PLEKHG5: variants seen among roughly 807,000 people sequenced by gnomAD.
The protein encoded by PLEKHG5 is pleckstrin homology and RhoGEF domain containing G5, also known as pleckstrin homology domain-containing family G member 5.
PLEKHG5 carries 52 observed loss-of-function variants against 103.8 expected under a neutral mutation model. The observed-to-expected ratio is 0.50, with a 90% CI of 0.40 to 0.63. PLEKHG5 has a LOEUF of 0.63. Among genes scored for constraint, PLEKHG5 ranks in the 30% least tolerant of loss-of-function variants. The pLI, the probability that PLEKHG5 is intolerant of heterozygous loss-of-function variation, is 0.00. For synonymous variants in PLEKHG5, 592 were observed against 575.5 expected (o/e 1.03, Z -0.41); for missense variants, 1,205 against 1,347.6 (o/e 0.89, Z 1.66).
In PLEKHG5 at chr1:6,471,657, CGGTTGGCCACGCCCCTCCGCCA is replaced by C. The variant is rs1644593551; in HGVS notation, c.1132-42_1132-21del. The C allele has an allele frequency of 2.6e-6, 4 of 1,567,664 alleles. No homozygotes were observed. Among genetic ancestry groups the C allele is most frequent in the Non-Finnish European group, 3.5e-6 (4 of 1,158,392 alleles). ...CTCCACCTGGGCGCGGCGGGAGGTG[CGGTTGGCCACGCCCCTCCGCCA>C]GGTTAGCCCCGCCCCAGGTCCAGGT... On this transcript the variant is annotated intron_variant, in intron 11 of 20. Transcript: ENST00000377728.
chr1:6,476,161 C>T (rs1363421629), intron 2 of PLEKHG5, 125 bp from the exon 3 acceptor site: 13 of 799,204 alleles, frequency 1.6e-5, no homozygotes, highest in Admixed American at 1.4e-4. Context: ...AAGGGCCCTT[C>T]AGTTCTGTGA....
intron 1 of PLEKHG5, chr1:6,485,800 A>C (rs1569941312): frequency 1.3e-5 from 10 of 760,458 alleles, no homozygotes; most frequent in East Asian, 1.4e-4. Context: ...CGGGACCCCC[A>C]CCTTCCCACC....
At chr1:6,503,598 C>T (rs527902127) in intron 1 of PLEKHG5, among the ~76,000 whole-genome samples, 12 of 152,092 alleles carry the variant, frequency 7.9e-5, no homozygotes, top group Non-Finnish European at 1.8e-4. Context: ...TTAGTAGACA[C>T]ATGGTTTCAC....
At chr1:6,504,447 C>A (rs1204131630) in intron 1 of PLEKHG5, among the ~76,000 whole-genome samples, 1 of 152,234 alleles carries the variant, frequency 6.6e-6, no homozygotes, top group Non-Finnish European at 1.5e-5. Flanking sequence ...CCTCTCCTGA[C>A]AAGCAGCCAC....
rs1317814339 is a variant in PLEKHG5 at position 6,471,112 on chromosome 1, C to A, written c.1282-12G>T. ...AAGAGCGAGCCGAACTGGCCCGGGGCAGAACAACCACGGCGCCGGTTACCG... is the reference window on the plus strand; with the variant it reads ...AAGAGCGAGCCGAACTGGCCCGGGGAAGAACAACCACGGCGCCGGTTACCG... On this transcript the variant is annotated splice_polypyrimidine_tract_variant and intron_variant, in intron 12 of 20. Transcript: ENST00000377728. The A allele has an allele frequency of 6.4e-7, 1 of 1,565,544 alleles. No homozygotes were observed. The highest frequency in any genetic ancestry group is 8.7e-7 in the Non-Finnish European group (1 of 1,155,212).
Position 6,491,234 on chromosome 1 carries a change from G to A in PLEKHG5, c.-88+403C>T, listed in dbSNP as rs1402083024. 3.3e-5 allele frequency among the ~76,000 whole-genome samples: 5 copies of A among 152,080 alleles called. No individual in the cohort carries two copies. The highest frequency in any genetic ancestry group is 1.9e-4 in the East Asian group (1 of 5,184). On this transcript the variant is annotated intron_variant, in intron 1 of 20. Coordinates refer to ENST00000377728, the MANE Select transcript of PLEKHG5 (RefSeq NM_020631.6). This position sits in a 1 kb window ranked among gnomAD's most constrained non-coding sequence, Gnocchi z 4.1. ...ACTGGGAAGGGTGTGGATACAGGGG[G>A]CCCACTCGAGGAGGTGGAGTTCAGG...
chr1:6,475,993 C>T lies in PLEKHG5; in HGVS notation c.87G>A (p.Pro29=), dbSNP rs140892576. Residue 29 remains proline, a synonymous_variant, in exon 3 of 21, where the codon CCG becomes CCA. Transcript: ENST00000377728. ...ARNVSTRSCP[P]RTSPAVDLEE... Reference sequence around the variant, plus strand: ...CCAAGTCCACTGCGGGGCTGGTGCGCGGCGGGCATGACCGGGTGGACACGT... The same window carrying T: ...CCAAGTCCACTGCGGGGCTGGTGCGTGGCGGGCATGACCGGGTGGACACGT... 496 of 1,613,812 alleles carry T rather than the reference C, an allele frequency of 3.1e-4. 2 individuals carry two copies. The African/African-American group carries it at 4.3e-3, about 14-fold the overall frequency.
At chr1:6,471,396 G>C (rs1644580893) in intron 12 of PLEKHG5, 92 bp downstream of exon 12, 1 of 1,401,110 alleles carries the variant, frequency 7.1e-7, no homozygotes, top group South Asian at 1.4e-5. Context: ...GGGGAGGTTG[G>C]GGATGCTGGG....
At chr1:6,492,736 G>A (rs563333773), upstream of PLEKHG5, among the ~76,000 whole-genome samples, 70 of 152,204 alleles carry the variant, frequency 4.6e-4, no homozygotes, top group African/African-American at 1.6e-3. Context: ...CCCCAGGGTC[G>A]CACAGCTGGA....
chr1:6,514,213 G>A (rs7517855), intron 1 of PLEKHG5, among the ~76,000 whole-genome samples: 29,445 of 151,932 alleles, frequency 0.19, 4,004 homozygotes, highest in African/African-American at 0.39. Context: ...GGTCCCAGCT[G>A]CTCAGGAGGC....
chr1:6,494,969 G>C (rs1645201337), upstream of PLEKHG5, among the ~76,000 whole-genome samples: 1 of 152,204 alleles, frequency 6.6e-6, no homozygotes, highest in South Asian at 2.1e-4. Context: ...TCTGAGACCA[G>C]CTCTCTTCTC....
At position 6,475,530 on chromosome 1, in the gene PLEKHG5, G is replaced by T. The variant is rs1000272403; in HGVS notation, c.150-8C>A. 2 of 1,612,766 alleles carry T rather than the reference G, an allele frequency of 1.2e-6. No individual in the cohort carries two copies. ...CCTGTGCTCTTCCGGTCCCTGCAGG[G>T]AAGCGAGGAGGGCAGAGGCTGGAGG... On this transcript the variant is annotated splice_polypyrimidine_tract_variant and splice_region_variant and intron_variant, in intron 3 of 20. Coordinates refer to ENST00000377728, the MANE Select transcript of PLEKHG5 (RefSeq NM_020631.6).
At chr1:6,495,676 C>T (rs965400669), upstream of PLEKHG5, among the ~76,000 whole-genome samples, 5 of 152,198 alleles carry the variant, frequency 3.3e-5, no homozygotes, top group South Asian at 2.1e-4. Flanking sequence ...TGCTAAGTTG[C>T]GCAGTTGTCA....
chr1:6,471,513 C>A lies in PLEKHG5; in HGVS notation c.1256G>T (p.Gly419Val). The change falls in exon 12 of 21, where the codon GGG (glycine) becomes GTG (valine). Residue 419 changes from glycine (G) to valine (V), a missense_variant. Gly to Val is a moderately radical substitution (Grantham distance 109). Coordinates refer to ENST00000377728, the MANE Select transcript of PLEKHG5 (RefSeq NM_020631.6). ...ARRTRALLQP[G>V]DFLKGFKMFG... Reference sequence around the variant, plus strand: ...CATCTTGAAGCCTTTGAGGAAGTCCCCGGGCTGTAGCAGCGCTCGCGTGCG... The same window carrying A: ...CATCTTGAAGCCTTTGAGGAAGTCCACGGGCTGTAGCAGCGCTCGCGTGCG... 1 of 1,610,704 alleles carries A rather than the reference C, an allele frequency of 6.2e-7. No individual in the cohort carries two copies.
rs1645043846 is a variant in PLEKHG5 at position 6,486,623 on chromosome 1, C to A, written c.-88+5014G>T. ...CACAGCAGCCCAGGTCCCTGCAGTT[C>A]TAGGCCAGGTCCCCACCGCCAGGGG... is the stretch of plus-strand genomic sequence containing the variant. On this transcript the variant is annotated intron_variant, in intron 1 of 20. Transcript: ENST00000377728. The surrounding 1 kb of genome is among the most constrained non-coding windows in gnomAD (Gnocchi z 5.3). 6.6e-6 allele frequency among the ~76,000 whole-genome samples: 1 copy of A among 152,194 alleles called. No individual in the cohort carries two copies. Among genetic ancestry groups the A allele is most frequent in the Non-Finnish European group, 1.5e-5 (1 of 68,036 alleles).
intron 1 of PLEKHG5, among the ~76,000 whole-genome samples, chr1:6,484,746 G>C (rs1270814275): frequency 6.6e-6 from 1 of 152,172 alleles, no homozygotes; most frequent in Non-Finnish European, 1.5e-5. Context: ...TCCTGCAGGA[G>C]GGACACCAGG....
intron 1 of PLEKHG5, among the ~76,000 whole-genome samples, chr1:6,518,147 T>C (rs2148641610): frequency 6.6e-6 from 1 of 151,652 alleles, no homozygotes; most frequent in Admixed American, 6.5e-5. Context: ...TTAGCCAGGA[T>C]GGTCTTGATC....
Position 6,470,565 on chromosome 1 carries a change from C to A in PLEKHG5, c.1621G>T (p.Val541Leu). 6.3e-7 allele frequency: 1 copy of A among 1,584,106 alleles called. No individual in the cohort carries two copies. Among genetic ancestry groups the A allele is most frequent in the Non-Finnish European group, 8.5e-7 (1 of 1,172,348 alleles). The change falls in exon 15 of 21, where the codon GTG becomes TTG. Residue 541 changes from valine to leucine, a missense_variant. Physicochemically the swap from Val to Leu is conservative, Grantham distance 32. Coordinates refer to ENST00000377728, the MANE Select transcript of PLEKHG5 (RefSeq NM_020631.6). ...QRQERQRLAAVVSRIDAYEVV... is the reference protein window; with the variant it reads ...QRQERQRLAALVSRIDAYEVV... ...TCGTAGGCGTCGATGCGGCTCACCA[C>A]GGCCGCCAGCCGCTGCCGCTCCTGC...
rs1404826523 is a variant in PLEKHG5 at position 6,468,035 on chromosome 1, C to T, written c.2801G>A (p.Ser934Asn). The change falls in exon 20 of 21, where the codon AGC (serine) becomes AAC (asparagine). Residue 934 changes from serine (S) to asparagine (N), a missense_variant. Physicochemically the swap from Ser to Asn is conservative, Grantham distance 46 (BLOSUM62 1). Transcript: ENST00000377728. ...GPSWDCRGAP[S>N]PGSGPGLVGC... ...GACTAGCCCAGGACCGCTGCCAGGG[C>T]TAGGGGCCCCTCGGCAATCCCAGCT... The T allele has an allele frequency of 1.3e-6, 2 of 1,556,426 alleles. No homozygotes were observed. Among genetic ancestry groups the T allele is most frequent in the African/African-American group, 2.7e-5 (2 of 73,872 alleles).
Sources: allele counts gnomAD v4.1 joint callset (sites outside exome capture counted in the v4.1 genomes callset), GRCh38; gene constraint gnomAD v4.1.1; non-coding constraint Gnocchi (gnomAD v3.1); transcripts MANE v1.5; gene names NCBI Gene and HGNC (gene_info 2026-07-23, HGNC 2026-07-21).